CCDC73: variants seen among roughly 807,000 people sequenced by gnomAD.
CCDC73 encodes the protein coiled-coil domain containing 73.
CCDC73 carries 95 observed loss-of-function variants against 116.5 expected under a neutral mutation model. That is an observed-to-expected ratio of 0.82 (90% CI 0.69 to 0.97). The LOEUF (loss-of-function observed/expected upper bound fraction) is 0.97, where lower values mean the gene tolerates loss of function less well. CCDC73 is among the 50% of genes least tolerant of loss of function. CCDC73 has a pLI of 0.00. For synonymous variants in CCDC73, 398 were observed against 401.3 expected, an observed-to-expected ratio of 0.99 and a Z score of 0.10; for missense variants, 1,066 against 1,206.8, an observed-to-expected ratio of 0.88 and a Z score of 1.73.
At chr11:32,816,167 A>T in the CCDC73 span, among the ~76,000 whole-genome samples, 1 of 152,346 alleles carries the variant, frequency 6.6e-6, no homozygotes, top group African/African-American at 2.4e-5. Flanking sequence ...TGAGACATCA[A>T]GTATAGATAT....
chr11:32,767,193 CA>C (rs1204807852), intron 1 of CCDC73, among the ~76,000 whole-genome samples: 2 of 152,148 alleles, frequency 1.3e-5, no homozygotes, highest in Non-Finnish European at 2.9e-5. Context: ...TGATCTTTGA[CA>C]AACCTGACAA....
chr11:32,790,781 A>G (rs1850668256), intron 1 of CCDC73, among the ~76,000 whole-genome samples: 2 of 152,126 alleles, frequency 1.3e-5, no homozygotes, highest in Non-Finnish European at 2.9e-5. Flanking sequence ...CTCCGTAAAG[A>G]TCATTATGAA....
At position 32,755,591 on chromosome 11, in the gene CCDC73, A is replaced by G. The variant is rs532877150; in HGVS notation, c.135+4518T>C. 3.0e-4 allele frequency among the ~76,000 whole-genome samples: 32 copies of G among 106,344 alleles called. 7 individuals carry two copies. In the East Asian group the frequency reaches 4.2e-3, roughly 14 times the overall value. The allele number at this position is 106,344 out of a possible 152,430, so 69.8% of individuals were successfully genotyped here. ...CATATATATCCATATATATGTGTGT[A>G]TATATATATCCATATATATGTGTGT... is the stretch of plus-strand genomic sequence containing the variant. On this transcript the variant is annotated intron_variant, in intron 2 of 17. Transcript: ENST00000335185.
rs778224534 is a variant in CCDC73, at chr11:32,616,106, T to C, written c.1209A>G (p.Glu403=). ...KFQNVPEVNN[E]NSEMSTEKSE... ...ATTTTTCAGTTGACATTTCACTGTT[T>C]TCATTATTTACTTCTGGAACATTCT... Residue 403 remains glutamate, a synonymous_variant, in exon 15 of 18, where the codon GAA becomes GAG. Coordinates refer to ENST00000335185, the MANE Select transcript of CCDC73 (RefSeq NM_001008391.4). 7 of 1,580,518 alleles carry C rather than the reference T, an allele frequency of 4.4e-6. No homozygotes were observed. In the South Asian group the frequency reaches 8.3e-5, roughly 19 times the overall value.
chr11:32,778,481 C>A (rs949128882), intron 1 of CCDC73, among the ~76,000 whole-genome samples: 17 of 152,136 alleles, frequency 1.1e-4, no homozygotes, highest in Non-Finnish European at 5.9e-5. Flanking sequence ...AACAATGGAA[C>A]TGAGAAACTT....
At chr11:32,736,468 C>T (rs930729587) in intron 2 of CCDC73, among the ~76,000 whole-genome samples, 5 of 152,218 alleles carry the variant, frequency 3.3e-5, no homozygotes, top group African/African-American at 1.2e-4. Flanking sequence ...GAGATACCAT[C>T]TCACATCAGT....
chr11:32,627,601 A>C (rs1333709771), intron 14 of CCDC73, among the ~76,000 whole-genome samples: 1 of 152,240 alleles, frequency 6.6e-6, no homozygotes, highest in Non-Finnish European at 1.5e-5. Flanking sequence ...CTGGATTAAG[A>C]AAATGTGGCA....
intron 12 of CCDC73, among the ~76,000 whole-genome samples, chr11:32,650,821 G>T (rs1055012300): frequency 6.6e-5 from 10 of 152,102 alleles, no homozygotes; most frequent in African/African-American, 2.4e-4. Flanking sequence ...GTTCAATTTG[G>T]TTCCATTCAA....
chr11:32,610,992 G>A, intron 17 of CCDC73, 140 bp downstream of exon 17: 1 of 739,436 alleles, frequency 1.4e-6, no homozygotes, highest in Non-Finnish European at 2.1e-6. Flanking sequence ...CCTTAATTGT[G>A]AAAAATGGTG....
chr11:32,649,381 A>C (rs958746621), intron 12 of CCDC73, among the ~76,000 whole-genome samples: 2 of 152,232 alleles, frequency 1.3e-5, no homozygotes, highest in Non-Finnish European at 2.9e-5. Context: ...TTATAACTGG[A>C]CTAAACTATA....
rs996373853 is a variant in CCDC73, at chr11:32,623,271, C to T, written c.1186-7142G>A. Among the ~76,000 whole-genome samples the T allele has an allele frequency of 5.3e-4, 81 of 152,304 alleles. 1 individual carries two copies. The highest frequency in any genetic ancestry group is 1.9e-3 in the African/African-American group (78 of 41,556). Reference sequence around the variant, plus strand: ...CCACCTGCCTCGAGCTTTCAAAGTGCTGAGATTACAGGCGTGAGCCACTAT... The same window carrying T: ...CCACCTGCCTCGAGCTTTCAAAGTGTTGAGATTACAGGCGTGAGCCACTAT... On this transcript the variant is annotated intron_variant, in intron 14 of 17. Coordinates refer to ENST00000335185, the MANE Select transcript of CCDC73 (RefSeq NM_001008391.4).
intron 17 of CCDC73, 112 bp downstream of exon 17, chr11:32,611,020 T>A (rs1328391410): frequency 2.1e-6 from 2 of 973,002 alleles, no homozygotes; most frequent in African/African-American, 1.7e-5. Context: ...GCCCTCTTGA[T>A]ATTATTTTGG....
In CCDC73 at chr11:32,702,576, A is replaced by G. The variant is rs141898327; in HGVS notation, c.279+297T>C. On this transcript the variant is annotated intron_variant, in intron 4 of 17. Transcript: ENST00000335185. ...TCTAATAAAAGAAAGGAAAGGGGAG[A>G]GAAAGAACAATAACACACACATCCC... 8.3e-3 allele frequency among the ~76,000 whole-genome samples: 1,267 copies of G among 152,274 alleles called. 12 individuals are homozygous for G. The highest frequency in any genetic ancestry group is 0.014 in the Non-Finnish European group (957 of 68,012).
the CCDC73 span, among the ~76,000 whole-genome samples, chr11:32,810,487 T>C: frequency 0.025 from 3,807 of 152,278 alleles, 153 homozygotes; most frequent in African/African-American, 0.087. Flanking sequence ...AGAGCAAAAC[T>C]AGTAAATTGG....
At chr11:32,736,945 T>TGGGGGTAGAACA in intron 2 of CCDC73, among the ~76,000 whole-genome samples, 1 of 149,376 alleles carries the variant, frequency 6.7e-6, no homozygotes, top group Non-Finnish European at 1.5e-5. Flanking sequence ...CTCACATATA[T>TGGGGGTAGAACA]ATATATATAC....
chr11:32,654,454 G>A (rs779300564), intron 10 of CCDC73, among the ~76,000 whole-genome samples: 3 of 152,044 alleles, frequency 2.0e-5, no homozygotes, highest in Non-Finnish European at 4.4e-5. Flanking sequence ...GATTACAGGC[G>A]TAAGCCACTG....
At chr11:32,755,149 G>C (rs913271487) in intron 2 of CCDC73, among the ~76,000 whole-genome samples, 9 of 147,782 alleles carry the variant, frequency 6.1e-5, no homozygotes, top group African/African-American at 2.2e-4. Flanking sequence ...GCCTCCCAAA[G>C]TGCTGGGATT....
chr11:32,649,069 C>T (rs958916144), intron 12 of CCDC73, among the ~76,000 whole-genome samples: 2 of 152,192 alleles, frequency 1.3e-5, no homozygotes, highest in South Asian at 2.1e-4. Context: ...AATTCTACAG[C>T]GCCTATGGTA....
At chr11:32,827,331 G>C in the CCDC73 span, among the ~76,000 whole-genome samples, 1 of 152,180 alleles carries the variant, frequency 6.6e-6, no homozygotes, top group East Asian at 1.9e-4. Flanking sequence ...ACTGAAGTTT[G>C]TGTGCATGCT....
Sources: allele counts gnomAD v4.1 joint callset (sites outside exome capture counted in the v4.1 genomes callset), GRCh38; gene constraint gnomAD v4.1.1; transcripts MANE v1.5; gene names NCBI Gene and HGNC (gene_info 2026-07-23, HGNC 2026-07-21).